The following SMYD3 variants were observed in gnomAD, a reference collection of about 807,000 sequenced individuals.
SMYD3 encodes the protein SET and MYND domain containing 3.
SMYD3 carries 36 observed loss-of-function variants against 57.7 expected under a neutral mutation model. The ratio of observed to expected loss-of-function variants is 0.62; its 90% CI spans 0.48 to 0.82. The LOEUF (loss-of-function observed/expected upper bound fraction) is 0.82, where lower values mean the gene tolerates loss of function less well. Among genes scored for constraint, SMYD3 ranks in the 40% least tolerant of loss-of-function variants. The pLI is 0.00. For synonymous variants in SMYD3, 211 were observed against 195.0 expected (o/e 1.08, Z -0.68); for missense variants, 515 against 538.8 (o/e 0.96, Z 0.44).
chr1:245,957,441 G>A (rs1040764704), intron 5 of SMYD3, among the ~76,000 whole-genome samples: 3 of 152,054 alleles, frequency 2.0e-5, no homozygotes, highest in African/African-American at 7.3e-5. Context: ...ATCCTTAGAG[G>A]AAATTAAAAT....
At chr1:246,387,251 T>A (rs1331803898) in intron 1 of SMYD3, among the ~76,000 whole-genome samples, 1 of 152,240 alleles carries the variant, frequency 6.6e-6, no homozygotes, top group Non-Finnish European at 1.5e-5. Context: ...GCTTCACACT[T>A]AATATTTATA....
At chr1:246,106,307 C>A (rs1490704742) in intron 5 of SMYD3, among the ~76,000 whole-genome samples, 2 of 152,200 alleles carry the variant, frequency 1.3e-5, no homozygotes, top group Non-Finnish European at 2.9e-5. Flanking sequence ...AAGCATACAA[C>A]AAAATGTCTC....
chr1:246,495,027 G>C (rs972766113), intron 1 of SMYD3, among the ~76,000 whole-genome samples: 1 of 152,176 alleles, frequency 6.6e-6, no homozygotes, highest in Admixed American at 6.5e-5. Context: ...AACCCAGACT[G>C]CTCTATAATA....
intron 5 of SMYD3, among the ~76,000 whole-genome samples, chr1:246,318,920 G>A (rs1402601199): frequency 6.6e-6 from 1 of 152,140 alleles, no homozygotes; most frequent in Non-Finnish European, 1.5e-5. Context: ...CTCATCATAG[G>A]TTATTAACAC....
intron 1 of SMYD3, among the ~76,000 whole-genome samples, chr1:246,357,361 T>C (rs1276027446): frequency 1.3e-5 from 2 of 152,188 alleles, no homozygotes. Flanking sequence ...CTCCCATCAG[T>C]GCCATGACAG....
intron 1 of SMYD3, among the ~76,000 whole-genome samples, chr1:246,457,843 T>C (rs2067727390): frequency 6.6e-6 from 1 of 152,220 alleles, no homozygotes. Context: ...TATTTATAAC[T>C]ACACCAGAAT....
intron 1 of SMYD3, among the ~76,000 whole-genome samples, chr1:246,366,839 G>A (rs939333331): frequency 2.7e-5 from 4 of 149,398 alleles, no homozygotes; most frequent in African/African-American, 7.4e-5. Flanking sequence ...GCTGGGGCAA[G>A]AGAATCGCTT....
chr1:246,129,697 C>T (rs1462481329), intron 5 of SMYD3, among the ~76,000 whole-genome samples: 1 of 152,074 alleles, frequency 6.6e-6, no homozygotes, highest in Non-Finnish European at 1.5e-5. Flanking sequence ...ATGAAAGAGG[C>T]TGCCATGGAG....
intron 5 of SMYD3, among the ~76,000 whole-genome samples, chr1:246,022,621 C>T (rs952612344): frequency 6.6e-5 from 10 of 152,158 alleles, no homozygotes; most frequent in African/African-American, 2.2e-4. Flanking sequence ...AAAGATAGGG[C>T]TGTATCTATC....
intron 5 of SMYD3, among the ~76,000 whole-genome samples, chr1:245,981,510 A>G (rs887252047): frequency 2.0e-5 from 3 of 152,246 alleles, no homozygotes; most frequent in African/African-American, 7.2e-5. Context: ...AAAGGAATAA[A>G]CACTTGCAAA....
In SMYD3 at chr1:245,917,533, T is replaced by C. The variant is rs147067491; in HGVS notation, c.703-1893A>G. ...TCCCGTCTGGCTCCACACACACTCC[T>C]ACCTCAAGGCCTGTGCACTGGCTGT... On this transcript the variant is annotated intron_variant, in intron 7 of 11. Coordinates refer to ENST00000490107, the MANE Select transcript of SMYD3 (RefSeq NM_001167740.2). Among the ~76,000 whole-genome samples the C allele has an allele frequency of 3.7e-3, 565 of 152,206 alleles. 7 individuals are homozygous for C. The highest frequency in any genetic ancestry group is 0.012 in the African/African-American group (508 of 41,546).
intron 10 of SMYD3, among the ~76,000 whole-genome samples, chr1:245,786,121 G>C (rs1408877463): frequency 8.5e-6 from 1 of 117,482 alleles, no homozygotes; most frequent in Non-Finnish European, 1.6e-5. Flanking sequence ...GGAGATACTA[G>C]ATACTACAAC....
intron 10 of SMYD3, among the ~76,000 whole-genome samples, chr1:245,817,219 C>T (rs999016574): frequency 1.4e-5 from 2 of 146,140 alleles, no homozygotes; most frequent in Non-Finnish European, 3.0e-5. Context: ...CAGACTGCCT[C>T]CTCAAGTGGG....
At chr1:246,433,863 C>T (rs2067332799) in intron 1 of SMYD3, among the ~76,000 whole-genome samples, 1 of 152,192 alleles carries the variant, frequency 6.6e-6, no homozygotes, top group Non-Finnish European at 1.5e-5. Context: ...CATTACCCAA[C>T]TTCAAAGTAT....
At chr1:246,365,732 G>C (rs972220817) in intron 1 of SMYD3, among the ~76,000 whole-genome samples, 2 of 152,072 alleles carry the variant, frequency 1.3e-5, no homozygotes, top group African/African-American at 4.8e-5. Flanking sequence ...GTGGTTCTGA[G>C]AGCAGAATTA....
chr1:246,431,971 A>C (rs1207656522), intron 1 of SMYD3, among the ~76,000 whole-genome samples: 2 of 152,190 alleles, frequency 1.3e-5, no homozygotes, highest in Non-Finnish European at 2.9e-5. Flanking sequence ...AATCCGACAT[A>C]TCTGACTATA....
chr1:246,419,431 T>G (rs2067109412), intron 1 of SMYD3, among the ~76,000 whole-genome samples: 1 of 152,202 alleles, frequency 6.6e-6, no homozygotes, highest in South Asian at 2.1e-4. Context: ...TCCAGCTGCT[T>G]CTGTCTGTGC....
At chr1:246,205,712 C>T (rs567374421) in intron 5 of SMYD3, among the ~76,000 whole-genome samples, 5 of 151,288 alleles carry the variant, frequency 3.3e-5, no homozygotes, top group Admixed American at 6.6e-5. Context: ...CCCAGCTACT[C>T]GGGAAGCTGA....
At chr1:246,049,099 G>C (rs1402105789) in intron 5 of SMYD3, among the ~76,000 whole-genome samples, 1 of 152,048 alleles carries the variant, frequency 6.6e-6, no homozygotes, top group Non-Finnish European at 1.5e-5. Context: ...AATGGGGTTG[G>C]AGGCATTTTG....
Sources: allele counts gnomAD v4.1 joint callset (sites outside exome capture counted in the v4.1 genomes callset), GRCh38; gene constraint gnomAD v4.1.1; transcripts MANE v1.5; gene names NCBI Gene and HGNC (gene_info 2026-07-23, HGNC 2026-07-21).